PTPN13: variants seen among roughly 807,000 people sequenced by gnomAD.
PTPN13 encodes protein tyrosine phosphatase non-receptor type 13.
PTPN13 carries 191 observed loss-of-function variants against 284.0 expected under a neutral mutation model. The observed-to-expected ratio is 0.67, with a 90% CI of 0.60 to 0.76. The LOEUF is 0.76. PTPN13 is among the 30% of genes least tolerant of loss of function. The probability of loss-of-function intolerance (pLI) is 0.00; values close to 1 mark genes in which losing one functional copy is unlikely to be tolerated. For synonymous variants in PTPN13, 986 were observed against 1,022.3 expected (o/e 0.96, Z 0.68); for missense variants, 2,797 against 2,939.9 (o/e 0.95, Z 1.12).
chr4:86,780,869 G>T (rs758310073), intron 36 of PTPN13, among the ~76,000 whole-genome samples: 3 of 152,114 alleles, frequency 2.0e-5, no homozygotes, highest in African/African-American at 2.4e-5. Flanking sequence ...GAGCATAAGA[G>T]AAATAGTTCA....
At chr4:86,720,272 T>C (rs1470768801) in intron 9 of PTPN13, among the ~76,000 whole-genome samples, 1 of 152,192 alleles carries the variant, frequency 6.6e-6, no homozygotes, top group African/African-American at 2.4e-5. Flanking sequence ...ATTTTCTTGA[T>C]AAGGAACCTC....
At chr4:86,773,527 A>G (rs897809210) in intron 32 of PTPN13, among the ~76,000 whole-genome samples, 4 of 152,160 alleles carry the variant, frequency 2.6e-5, no homozygotes, top group African/African-American at 9.7e-5. Flanking sequence ...TTCCAAGTAT[A>G]ATATCCTTTA....
intron 20 of PTPN13, among the ~76,000 whole-genome samples, chr4:86,754,647 C>T (rs901041037): frequency 1.3e-5 from 2 of 152,050 alleles, no homozygotes; most frequent in South Asian, 2.1e-4. Context: ...ATAATGTGAT[C>T]ATGCCTAAGT....
intron 10 of PTPN13, among the ~76,000 whole-genome samples, chr4:86,729,367 C>A (rs568938797): frequency 6.7e-6 from 1 of 149,112 alleles, no homozygotes; most frequent in East Asian, 1.9e-4. Context: ...TCTTTATTTC[C>A]TGAATTTGAA....
At chr4:86,638,693 G>T (rs972688783) in intron 2 of PTPN13, among the ~76,000 whole-genome samples, 1 of 152,142 alleles carries the variant, frequency 6.6e-6, no homozygotes, top group East Asian at 1.9e-4. Flanking sequence ...ATGGATTAAA[G>T]ATTTAAACGT....
Position 86,666,502 on chromosome 4 carries a change from C to T in PTPN13, c.116-5863C>T, listed in dbSNP as rs977800599. 3.3e-5 allele frequency among the ~76,000 whole-genome samples: 5 copies of T among 152,108 alleles called. No individual in the cohort carries two copies. The South Asian group carries it at 1.0e-3, about 32-fold the overall frequency. On this transcript the variant is annotated intron_variant, in intron 2 of 47. Transcript: ENST00000411767. Reference sequence around the variant, plus strand: ...GGGAAACTAATTTTTGCAAATATTTCAATTAATTATAATGGCATTGTACCT... The same window carrying T: ...GGGAAACTAATTTTTGCAAATATTTTAATTAATTATAATGGCATTGTACCT...
intron 9 of PTPN13, among the ~76,000 whole-genome samples, chr4:86,718,843 G>A (rs1336561266): frequency 1.3e-5 from 2 of 152,066 alleles, no homozygotes; most frequent in Non-Finnish European, 2.9e-5. Context: ...ACTCCAGTAA[G>A]TATTCATTTA....
At chr4:86,766,070 C>A (rs1739277529) in intron 26 of PTPN13, among the ~76,000 whole-genome samples, 1 of 152,114 alleles carries the variant, frequency 6.6e-6, no homozygotes, top group African/African-American at 2.4e-5. Flanking sequence ...TCAGGTGATC[C>A]CCCCACTTTG....
At chr4:86,609,728 G>C (rs1447427165) in intron 1 of PTPN13, among the ~76,000 whole-genome samples, 2 of 151,892 alleles carry the variant, frequency 1.3e-5, no homozygotes, top group Non-Finnish European at 2.9e-5. Flanking sequence ...TTAGCACTTA[G>C]ATATCAGTTA....
intron 17 of PTPN13, among the ~76,000 whole-genome samples, chr4:86,745,810 A>G (rs1736690864): frequency 6.6e-6 from 1 of 152,142 alleles, no homozygotes; most frequent in Non-Finnish European, 1.5e-5. Flanking sequence ...AGAACAGATT[A>G]TATTGAACAG....
At chr4:86,672,277 T>C (rs149575348) in intron 2 of PTPN13, 88 bp from the exon 3 acceptor site, 9 of 1,104,722 alleles carry the variant, frequency 8.1e-6, no homozygotes, top group African/African-American at 1.6e-5. Flanking sequence ...GCATTATCCA[T>C]TGAAGTGATT....
intron 17 of PTPN13, among the ~76,000 whole-genome samples, chr4:86,749,765 A>G (rs1737178183): frequency 6.6e-6 from 1 of 152,236 alleles, no homozygotes; most frequent in African/African-American, 2.4e-5. Context: ...TGAAACAGAC[A>G]GATTAGTACT....
At chr4:86,662,615 C>G (rs1726638486) in intron 2 of PTPN13, among the ~76,000 whole-genome samples, 1 of 152,188 alleles carries the variant, frequency 6.6e-6, no homozygotes, top group South Asian at 2.1e-4. Flanking sequence ...CAGGCATGAG[C>G]CACCGTGCCC....
chr4:86,689,764 C>A, intron 5 of PTPN13: 1 of 702,018 alleles, frequency 1.4e-6, no homozygotes, highest in South Asian at 1.5e-5. Flanking sequence ...ATGAAGAATC[C>A]CAAGAATAAC....
At chr4:86,774,225 C>A in intron 32 of PTPN13, 148 bp from the exon 33 acceptor site, 1 of 689,190 alleles carries the variant, frequency 1.5e-6, no homozygotes, top group Non-Finnish European at 2.3e-6. Context: ...TGTCTAGAGT[C>A]AGACAGACTT....
At chr4:86,595,673 T>C (rs1763621296) in intron 1 of PTPN13, 1 of 837,192 alleles carries the variant, frequency 1.2e-6, no homozygotes, top group Non-Finnish European at 1.4e-6. Context: ...GGTGACTTCA[T>C]AGGGAGCTGC....
chr4:86,628,387 A>G (rs568168542), intron 1 of PTPN13, among the ~76,000 whole-genome samples: 10 of 152,168 alleles, frequency 6.6e-5, no homozygotes, highest in Admixed American at 6.6e-4. Context: ...TGTCCATTCA[A>G]ATCTAAAAAA....
chr4:86,754,631 C>T lies in PTPN13; in HGVS notation c.3223+1566C>T, dbSNP rs1382939580. On this transcript the variant is annotated intron_variant, in intron 20 of 47. Transcript: ENST00000411767. ...CTACACTCTAATCTACTCTTTAGAC[C>T]TCCTCATAATGTGATCATGCCTAAG... Among the ~76,000 whole-genome samples, 3 of 152,098 alleles carry T rather than the reference C, an allele frequency of 2.0e-5. No homozygotes were observed. In the East Asian group the frequency reaches 5.8e-4, roughly 29 times the overall value.
Position 86,639,391 on chromosome 4 carries a change from G to A in PTPN13, c.115+4020G>A, listed in dbSNP as rs573700976. On this transcript the variant is annotated intron_variant, in intron 2 of 47. Coordinates refer to ENST00000411767, the MANE Select transcript of PTPN13 (RefSeq NM_080683.3). ...ACACACGCACACATATGTTTATTGC[G>A]GCACTATTCACAATAGCAAAGACTT... Among the ~76,000 whole-genome samples the A allele has an allele frequency of 1.6e-4, 25 of 152,122 alleles. No homozygotes were observed. In the East Asian group the frequency reaches 3.3e-3, roughly 20 times the overall value.
Sources: gnomAD v4.1 joint callset for allele counts (sites outside exome capture counted in the v4.1 genomes callset) on GRCh38, gnomAD v4.1.1 for gene constraint, MANE v1.5 for transcripts, NCBI Gene and HGNC (gene_info 2026-07-23, HGNC 2026-07-21) for gene names.